The following LAMA3 variants were observed in gnomAD, a reference collection of about 807,000 sequenced individuals.
LAMA3 encodes laminin subunit alpha-3.
Under a neutral mutation model 402.0 loss-of-function variants are expected in LAMA3, and 281 were observed. The observed-to-expected ratio is 0.70, with a 90% CI of 0.63 to 0.77. The LOEUF (loss-of-function observed/expected upper bound fraction) is 0.77, where lower values mean the gene tolerates loss of function less well. Among genes scored for constraint, LAMA3 ranks in the 30% least tolerant of loss-of-function variants. The pLI is 0.00. For synonymous variants in LAMA3, 1,431 were observed against 1,558.4 expected, an observed-to-expected ratio of 0.92 and a Z score of 1.93; for missense variants, 3,840 against 4,215.5, an observed-to-expected ratio of 0.91 and a Z score of 2.47.
Position 23,748,067 on chromosome 18 carries a change from A to G in LAMA3, c.565+7A>G. 7.0e-6 allele frequency: 10 copies of G among 1,421,794 alleles called. No individual in the cohort carries two copies. Among genetic ancestry groups the G allele is most frequent in the South Asian group, 1.1e-5 (1 of 87,178 alleles). The allele number at this position is 1,421,794 out of a possible 1,614,324, so 88.1% of individuals were successfully genotyped here. A position where few individuals can be genotyped will look rare whatever the true frequency, so the allele number is the denominator to read the frequency against. On this transcript the variant is annotated splice_region_variant and intron_variant, in intron 3 of 74. Transcript: ENST00000313654. Reference sequence around the variant, plus strand: ...CCATGGCAATATTTTGCTCGTAAGTAATCTTGCCTACCATGTTATGCATGG... The same window carrying G: ...CCATGGCAATATTTTGCTCGTAAGTGATCTTGCCTACCATGTTATGCATGG...
At chr18:23,868,553 A>G (rs1374929667) in intron 37 of LAMA3, among the ~76,000 whole-genome samples, 3 of 152,194 alleles carry the variant, frequency 2.0e-5, no homozygotes, top group African/African-American at 7.2e-5. Flanking sequence ...TCGAAGCTGC[A>G]GTGAGCCATG....
chr18:23,804,400 A>G (rs2062923541), intron 12 of LAMA3, among the ~76,000 whole-genome samples: 1 of 152,188 alleles, frequency 6.6e-6, no homozygotes, highest in Non-Finnish European at 1.5e-5. Flanking sequence ...GGACCCTTAG[A>G]AATTTAACTG....
chr18:23,953,217 G>C, intron 74 of LAMA3, 108 bp downstream of exon 74: 1 of 1,449,850 alleles, frequency 6.9e-7, no homozygotes, highest in Non-Finnish European at 9.6e-7. Context: ...AGATGGTGAG[G>C]CCCTTTGCAC....
At chr18:23,867,566 A>T (rs1244403913) in intron 36 of LAMA3, among the ~76,000 whole-genome samples, 2 of 151,824 alleles carry the variant, frequency 1.3e-5, no homozygotes, top group Non-Finnish European at 2.9e-5. Context: ...AAAAAAAAAA[A>T]AAGAAAAAAA....
chr18:23,812,783 A>G (rs1360792314), intron 13 of LAMA3, among the ~76,000 whole-genome samples: 1 of 152,162 alleles, frequency 6.6e-6, no homozygotes, highest in Non-Finnish European at 1.5e-5. Flanking sequence ...ATCTTTCCCT[A>G]ATCTCCTCCT....
chr18:23,875,937 C>A lies in LAMA3; in HGVS notation c.4999-357C>A, dbSNP rs1332512716. 2.0e-5 allele frequency among the ~76,000 whole-genome samples: 3 copies of A among 152,296 alleles called. No individual in the cohort carries two copies. The South Asian group carries it at 6.2e-4, about 32-fold the overall frequency. On this transcript the variant is annotated intron_variant, in intron 38 of 74. Coordinates refer to ENST00000313654, the MANE Select transcript of LAMA3 (RefSeq NM_198129.4). ...CCACCAGGGCATGAAAACCAAACAG[C>A]TTGAGAGAAAAACAAGTGGACATGA...
chr18:23,834,276 T>A (rs1263077867), intron 24 of LAMA3: 4 of 402,958 alleles, frequency 9.9e-6, no homozygotes, highest in African/African-American at 8.2e-5. Flanking sequence ...TGATTCTCTA[T>A]CACTCAGGTG....
intron 30 of LAMA3, among the ~76,000 whole-genome samples, chr18:23,846,070 C>G (rs539328514): frequency 1.7e-4 from 26 of 152,242 alleles, no homozygotes; most frequent in African/African-American, 6.3e-4. Flanking sequence ...GTGCAAGGTT[C>G]CCGCTGACCT....
At chr18:23,872,881 G>A (rs942444827) in intron 38 of LAMA3, 23 of 736,870 alleles carry the variant, frequency 3.1e-5, no homozygotes, top group Non-Finnish European at 5.0e-5. Context: ...TGTTATGTGC[G>A]CTCTGGCACA....
At chr18:23,793,766 A>C (rs532683049) in intron 12 of LAMA3, among the ~76,000 whole-genome samples, 2 of 152,244 alleles carry the variant, frequency 1.3e-5, no homozygotes, top group South Asian at 4.1e-4. Flanking sequence ...TTCAATTCTG[A>C]CACTGCTTAC....
chr18:23,938,838 G>C (rs184948689), intron 67 of LAMA3, among the ~76,000 whole-genome samples: 120 of 152,158 alleles, frequency 7.9e-4, no homozygotes, highest in African/African-American at 2.8e-3. Flanking sequence ...AGAGAAAGGG[G>C]GGGTATTTAG....
intron 2 of LAMA3, among the ~76,000 whole-genome samples, chr18:23,736,909 A>G (rs1387636067): frequency 6.6e-6 from 1 of 152,180 alleles, no homozygotes; most frequent in Non-Finnish European, 1.5e-5. Flanking sequence ...GCCCCTCTCC[A>G]GAATGCTCAG....
intron 2 of LAMA3, among the ~76,000 whole-genome samples, chr18:23,725,972 T>G (rs2061293396): frequency 6.6e-6 from 1 of 152,222 alleles, no homozygotes; most frequent in South Asian, 2.1e-4. Flanking sequence ...AATTGTATGT[T>G]TACCTTTATC....
intron 72 of LAMA3, among the ~76,000 whole-genome samples, chr18:23,950,469 A>G (rs2082869148): frequency 6.6e-6 from 1 of 152,178 alleles, no homozygotes; most frequent in African/African-American, 2.4e-5. Context: ...AATAACTCTT[A>G]TAACTTAAGG....
Position 23,864,898 on chromosome 18 carries a change from A to G in LAMA3, c.4683+15A>G. ...TACAGCTCACTGTAGGTATCAGAGC[A>G]TGACCTAAGTGGCAGGAAGTGGCAG... On this transcript the variant is annotated intron_variant, in intron 36 of 74. Coordinates refer to ENST00000313654, the MANE Select transcript of LAMA3 (RefSeq NM_198129.4). 3 of 1,564,266 alleles carry G rather than the reference A, an allele frequency of 1.9e-6. No individual in the cohort carries two copies. Among genetic ancestry groups the G allele is most frequent in the Non-Finnish European group, 1.8e-6 (2 of 1,135,272 alleles).
intron 61 of LAMA3, 39 bp downstream of exon 61, chr18:23,921,093 T>C (rs2081820601): frequency 6.2e-7 from 1 of 1,608,462 alleles, no homozygotes; most frequent in East Asian, 2.2e-5. Context: ...TCGTTAAATG[T>C]CCTTAGTCCT....
At chr18:23,771,962 T>C (rs1260905120) in intron 8 of LAMA3, among the ~76,000 whole-genome samples, 10 of 152,334 alleles carry the variant, frequency 6.6e-5, no homozygotes, top group Admixed American at 3.3e-4. Context: ...TTGTTTGAGA[T>C]GATGCATGAA....
intron 40 of LAMA3, among the ~76,000 whole-genome samples, chr18:23,883,701 C>T (rs1011353228): frequency 3.9e-5 from 6 of 152,172 alleles, no homozygotes; most frequent in Admixed American, 6.5e-5. Context: ...CATGAGCTTG[C>T]CCAGACTTGT....
intron 39 of LAMA3, among the ~76,000 whole-genome samples, chr18:23,880,358 T>C (rs1040328941): frequency 1.3e-5 from 2 of 152,220 alleles, no homozygotes; most frequent in Non-Finnish European, 2.9e-5. Flanking sequence ...CTTATGTTTA[T>C]AGCACAATTT....
Sources: gnomAD v4.1 joint callset for allele counts (sites outside exome capture counted in the v4.1 genomes callset) on GRCh38, gnomAD v4.1.1 for gene constraint, MANE v1.5 for transcripts, NCBI Gene and HGNC (gene_info 2026-07-23, HGNC 2026-07-21) for gene names.